ATG4C: variants seen among roughly 807,000 people sequenced by gnomAD.
ATG4C encodes autophagy related 4C cysteine peptidase, also known as cysteine protease ATG4C.
Under a neutral mutation model 57.6 loss-of-function variants are expected in ATG4C, and 56 were observed. The observed-to-expected ratio is 0.97, with a 90% CI of 0.78 to 1.21. The LOEUF (loss-of-function observed/expected upper bound fraction) is 1.21. Among genes scored for constraint, ATG4C ranks in the 50% most tolerant of loss-of-function variants. The pLI, the probability that ATG4C is intolerant of heterozygous loss-of-function variation, is 0.00. For missense variants in ATG4C, 595 were observed against 529.8 expected (o/e 1.12, Z -1.21); for synonymous variants, 157 against 174.1 (o/e 0.90, Z 0.78).
intron 10 of ATG4C, among the ~76,000 whole-genome samples, chr1:62,860,908 A>G (rs1666831552): frequency 6.6e-6 from 1 of 152,214 alleles, no homozygotes. Flanking sequence ...CTGTCCTACC[A>G]ACTACTAGCT....
At chr1:62,848,261 G>T (rs1394948227) in intron 10 of ATG4C, among the ~76,000 whole-genome samples, 1 of 152,048 alleles carries the variant, frequency 6.6e-6, no homozygotes, top group Non-Finnish European at 1.5e-5. Context: ...CTATCTCTTA[G>T]TAATATTTCT....
intron 1 of ATG4C, among the ~76,000 whole-genome samples, chr1:62,798,692 T>A (rs1394805106): frequency 6.6e-6 from 1 of 152,078 alleles, no homozygotes; most frequent in Non-Finnish European, 1.5e-5. Context: ...TTGCCCAGGC[T>A]GGAGTGCAGT....
intron 1 of ATG4C, among the ~76,000 whole-genome samples, chr1:62,792,461 C>G (rs1240937597): frequency 6.6e-6 from 1 of 152,130 alleles, no homozygotes. Context: ...CAGATGGGCT[C>G]TCCAATGGAA....
In ATG4C at chr1:62,845,260, T is replaced by C. The variant is rs559797781; in HGVS notation, c.1209+3713T>C. ...TAACATCCTTATCAACACTTGATAT[T>C]GTCAAACTTTAAAATTTTAACCAAT... On this transcript the variant is annotated intron_variant, in intron 10 of 10. Coordinates refer to ENST00000317868, the MANE Select transcript of ATG4C (RefSeq NM_032852.4). Among the ~76,000 whole-genome samples the C allele has an allele frequency of 3.3e-5, 5 of 152,280 alleles. 1 individual carries two copies. Among genetic ancestry groups the C allele is most frequent in the African/African-American group, 1.2e-4 (5 of 41,568 alleles).
chr1:62,831,771 G>A (rs1665849707), intron 7 of ATG4C, among the ~76,000 whole-genome samples: 1 of 152,142 alleles, frequency 6.6e-6, no homozygotes, highest in African/African-American at 2.4e-5. Flanking sequence ...CCTCTTACAT[G>A]TAAAGGCATT....
chr1:62,815,810 G>A (rs978526989), intron 3 of ATG4C, among the ~76,000 whole-genome samples: 46 of 152,122 alleles, frequency 3.0e-4, no homozygotes, highest in African/African-American at 1.1e-3. Flanking sequence ...TCAGCCTCTC[G>A]AGTAGCTGGG....
intron 1 of ATG4C, among the ~76,000 whole-genome samples, chr1:62,801,978 A>AAG (rs1553222972): frequency 4.9e-5 from 7 of 143,864 alleles, no homozygotes; most frequent in African/African-American, 1.6e-4. Context: ...AAAAAAAAAA[A>AAG]AAAAAAAGAA....
intron 10 of ATG4C, among the ~76,000 whole-genome samples, chr1:62,850,883 T>TATATATATATATAC: frequency 1.3e-5 from 1 of 78,432 alleles, no homozygotes; most frequent in Non-Finnish European, 2.6e-5. Context: ...TATATATATA[T>TATATATATATATAC]ATATATATAT....
intron 10 of ATG4C, among the ~76,000 whole-genome samples, chr1:62,857,161 T>C (rs993831615): frequency 1.3e-5 from 2 of 152,140 alleles, no homozygotes; most frequent in African/African-American, 2.4e-5. Context: ...TGTGGCCTGT[T>C]AGGAACCAGG....
At chr1:62,796,009 A>C (rs760634785) in intron 1 of ATG4C, among the ~76,000 whole-genome samples, 1 of 152,144 alleles carries the variant, frequency 6.6e-6, no homozygotes, top group Admixed American at 6.5e-5. Flanking sequence ...CATATCAGTT[A>C]ATCACTGGGG....
Position 62,861,230 on chromosome 1 carries a change from TAGA to T in ATG4C, c.1210-2757_1210-2755del, listed in dbSNP as rs1384508728. ...ATAATAGTTTTCTCCTACTATGTAATAGAAGAATTACATGTTAGAAAGTTCGAA... is the reference window on the plus strand; with the variant it reads ...ATAATAGTTTTCTCCTACTATGTAATAGAATTACATGTTAGAAAGTTCGAA... On this transcript the variant is annotated intron_variant, in intron 10 of 10. Coordinates refer to ENST00000317868, the MANE Select transcript of ATG4C (RefSeq NM_032852.4). Among the ~76,000 whole-genome samples, 15 of 152,238 alleles carry T rather than the reference TAGA, an allele frequency of 9.9e-5. No homozygotes were observed. In the East Asian group the frequency reaches 2.3e-3, roughly 24 times the overall value.
intron 10 of ATG4C, among the ~76,000 whole-genome samples, chr1:62,854,981 G>C (rs921947243): frequency 4.6e-5 from 7 of 151,676 alleles, no homozygotes; most frequent in African/African-American, 1.7e-4. Context: ...ACTGTGTCTG[G>C]TGTACTGGAG....
intron 10 of ATG4C, among the ~76,000 whole-genome samples, chr1:62,849,295 G>A (rs1027567317): frequency 4.6e-5 from 7 of 152,096 alleles, no homozygotes; most frequent in African/African-American, 1.7e-4. Flanking sequence ...AAGGGAAGAC[G>A]AAGAGCTTGC....
At chr1:62,850,854 G>GTATATATATATATA (rs1161449502) in intron 10 of ATG4C, among the ~76,000 whole-genome samples, 7 of 84,140 alleles carry the variant, frequency 8.3e-5, no homozygotes, top group Non-Finnish European at 1.3e-4. Context: ...GTGTATGTAT[G>GTATATATATATATA]TATATATATA....
At chr1:62,848,978 A>G (rs1456229483) in intron 10 of ATG4C, among the ~76,000 whole-genome samples, 1 of 152,006 alleles carries the variant, frequency 6.6e-6, no homozygotes, top group African/African-American at 2.4e-5. Context: ...TGTCCTCTCA[A>G]TTTGGGTTTG....
chr1:62,803,961 T>C, intron 2 of ATG4C, 99 bp downstream of exon 2: 1 of 639,008 alleles, frequency 1.6e-6, no homozygotes, highest in Non-Finnish European at 2.6e-6. Flanking sequence ...TGAGAATAAA[T>C]GGCATACTTT....
chr1:62,797,471 T>C (rs1335800883), intron 1 of ATG4C, among the ~76,000 whole-genome samples: 1 of 152,210 alleles, frequency 6.6e-6, no homozygotes, highest in Non-Finnish European at 1.5e-5. Flanking sequence ...TAATTATGCT[T>C]GTTTTTTCAG....
rs1259129253 is a variant in ATG4C, at chr1:62,834,019, T to C, written c.934-19T>C. On this transcript the variant is annotated intron_variant, in intron 7 of 10. Transcript: ENST00000317868. ...ACCACTTGCCTCTTGACTAAATCTG[T>C]ATTAATTTTTTTTGGCAGGGTATTT... 3.1e-6 allele frequency: 5 copies of C among 1,605,174 alleles called. No individual in the cohort carries two copies. Among genetic ancestry groups the C allele is most frequent in the Non-Finnish European group, 2.6e-6 (3 of 1,174,862 alleles).
rs890374812 is a variant in ATG4C, at chr1:62,795,166, C to T, written c.-68-8553C>T. On this transcript the variant is annotated intron_variant, in intron 1 of 10. Transcript: ENST00000317868. ...GAGATGTATTCCATAGACTTAATCC[C>T]TAAAGTTCTGCCAGGAGCATTTACT... Among the ~76,000 whole-genome samples the T allele has an allele frequency of 1.6e-4, 24 of 152,208 alleles. 1 individual carries two copies. Among genetic ancestry groups the T allele is most frequent in the African/African-American group, 4.1e-4 (17 of 41,448 alleles).
Sources: gnomAD v4.1 joint callset for allele counts (sites outside exome capture counted in the v4.1 genomes callset) on GRCh38, gnomAD v4.1.1 for gene constraint, MANE v1.5 for transcripts, NCBI Gene and HGNC (gene_info 2026-07-23, HGNC 2026-07-21) for gene names.